SLC8A1: variants seen among roughly 807,000 people sequenced by gnomAD.
SLC8A1 encodes the protein solute carrier family 8 member A1, also known as sodium/calcium exchanger 1.
Under a neutral mutation model 68.3 loss-of-function variants are expected in SLC8A1, and 18 were observed. That is an observed-to-expected ratio of 0.26 (90% CI 0.18 to 0.39). The LOEUF is 0.39. SLC8A1 is among the 10% of genes least tolerant of loss of function. SLC8A1 has a pLI of 1.00. For synonymous variants in SLC8A1, 475 were observed against 415.5 expected (o/e 1.14, Z -1.74); for missense variants, 985 against 1,156.7 (o/e 0.85, Z 2.15).
At chr2:40,472,782 A>C (rs1704066067) in intron 1 of SLC8A1, among the ~76,000 whole-genome samples, 1 of 152,234 alleles carries the variant, frequency 6.6e-6, no homozygotes, top group African/African-American at 2.4e-5. Flanking sequence ...AATCAGTGGA[A>C]TCTAAACTTA....
intron 2 of SLC8A1, among the ~76,000 whole-genome samples, chr2:40,381,177 T>C (rs1222375871): frequency 6.6e-6 from 1 of 152,012 alleles, no homozygotes; most frequent in Non-Finnish European, 1.5e-5. Flanking sequence ...GGGGGTTGGC[T>C]GCACTCGGCA....
intron 2 of SLC8A1, among the ~76,000 whole-genome samples, chr2:40,256,439 A>G (rs1558986413): frequency 6.6e-6 from 1 of 152,238 alleles, no homozygotes. Context: ...ACATGACAAA[A>G]AAAATGCCAG....
At chr2:40,249,315 C>G (rs1252994072) in intron 2 of SLC8A1, among the ~76,000 whole-genome samples, 2 of 151,764 alleles carry the variant, frequency 1.3e-5, no homozygotes, top group East Asian at 1.9e-4. Context: ...CTTTCAAAAC[C>G]TTTTGAAATA....
intron 1 of SLC8A1, among the ~76,000 whole-genome samples, chr2:40,475,680 A>G (rs1704256612): frequency 6.6e-6 from 1 of 152,134 alleles, no homozygotes; most frequent in African/African-American, 2.4e-5. Flanking sequence ...AAATATATAA[A>G]TACATAAATA....
intron 2 of SLC8A1, among the ~76,000 whole-genome samples, chr2:40,192,052 A>G (rs1196134254): frequency 1.3e-5 from 2 of 152,186 alleles, no homozygotes; most frequent in African/African-American, 4.8e-5. Context: ...AAGACAAATT[A>G]TATGTAACCC....
intron 1 of SLC8A1, among the ~76,000 whole-genome samples, chr2:40,503,476 G>A (rs958824618): frequency 2.0e-4 from 30 of 151,960 alleles, no homozygotes; most frequent in African/African-American, 7.0e-4. Context: ...GACAACAGAA[G>A]GATATAAAGG....
At chr2:40,173,215 G>A (rs2047855869) in intron 4 of SLC8A1, among the ~76,000 whole-genome samples, 1 of 152,128 alleles carries the variant, frequency 6.6e-6, no homozygotes. Flanking sequence ...TTATCCTTGG[G>A]TGATAGAATT....
Position 40,178,500 on chromosome 2 carries a change from C to CAGAGAAT in SLC8A1, c.1809-652_1809-646dup. The CAGAGAAT allele has an allele frequency of 2.5e-6, 4 of 1,605,198 alleles. No individual in the cohort carries two copies. The South Asian group carries it at 4.4e-5, about 18-fold the overall frequency. Reference sequence around the variant, plus strand: ...CTTGACTGATATTGTTTTGCTGAAACAGAGAATAGAAATTGACGAACAAGG... The same window carrying CAGAGAAT: ...CTTGACTGATATTGTTTTGCTGAAACAGAGAATAGAGAATAGAAATTGACGAACAAGG... On this transcript the variant is annotated intron_variant, in intron 2 of 7. Transcript: ENST00000406785.
upstream of SLC8A1, among the ~76,000 whole-genome samples, chr2:40,456,101 G>C (rs1374179602): frequency 1.3e-5 from 2 of 152,142 alleles, no homozygotes; most frequent in East Asian, 3.9e-4. Flanking sequence ...TGGATCACGA[G>C]GTCAGGAGAT....
chr2:40,481,598 C>G (rs932924512), intron 1 of SLC8A1, among the ~76,000 whole-genome samples: 1 of 152,146 alleles, frequency 6.6e-6, no homozygotes, highest in Non-Finnish European at 1.5e-5. Flanking sequence ...CTAATACAGT[C>G]TTATACTGAA....
intron 2 of SLC8A1, among the ~76,000 whole-genome samples, chr2:40,292,398 C>G (rs2069495567): frequency 6.6e-6 from 1 of 152,102 alleles, no homozygotes; most frequent in Non-Finnish European, 1.5e-5. Context: ...CAAACAGGGA[C>G]TCTCACATAG....
At chr2:40,195,010 G>C (rs754174413) in intron 2 of SLC8A1, among the ~76,000 whole-genome samples, 1 of 152,176 alleles carries the variant, frequency 6.6e-6, no homozygotes. Flanking sequence ...GAGTGATGTA[G>C]AATGGAGGAT....
intron 1 of SLC8A1, among the ~76,000 whole-genome samples, chr2:40,461,143 G>A (rs909940878): frequency 2.0e-5 from 3 of 152,110 alleles, no homozygotes; most frequent in Non-Finnish European, 4.4e-5. Flanking sequence ...AATCACTCTG[G>A]ATGGTTTCAA....
intron 2 of SLC8A1, among the ~76,000 whole-genome samples, chr2:40,419,500 A>C (rs1422020999): frequency 1.3e-5 from 2 of 150,772 alleles, no homozygotes; most frequent in East Asian, 2.0e-4. Context: ...TTCTCTGCCT[A>C]CCTCTCCTTC....
At chr2:40,508,987 G>A (rs371995314) in intron 1 of SLC8A1, among the ~76,000 whole-genome samples, 2 of 152,044 alleles carry the variant, frequency 1.3e-5, no homozygotes, top group East Asian at 1.9e-4. Context: ...TGATAACCAC[G>A]GCTCATATCA....
chr2:40,456,115 G>C (rs2149888464), upstream of SLC8A1, among the ~76,000 whole-genome samples: 3 of 152,226 alleles, frequency 2.0e-5, no homozygotes, highest in South Asian at 6.2e-4. Flanking sequence ...AGGAGATCGA[G>C]ACCATCCTGG....
chr2:40,457,296 G>C (rs1443358570), intron 1 of SLC8A1, among the ~76,000 whole-genome samples: 1 of 152,152 alleles, frequency 6.6e-6, no homozygotes, highest in South Asian at 2.1e-4. Flanking sequence ...CCAGGCAGTT[G>C]TTCCCTACAA....
chr2:40,483,657 C>A (rs1298817623), intron 1 of SLC8A1, among the ~76,000 whole-genome samples: 1 of 152,146 alleles, frequency 6.6e-6, no homozygotes, highest in Non-Finnish European at 1.5e-5. Context: ...TAGGTTCTGC[C>A]TGGTAAATAA....
At chr2:40,291,903 CTTTTTT>C (rs75778511) in intron 2 of SLC8A1, among the ~76,000 whole-genome samples, 2 of 138,242 alleles carry the variant, frequency 1.4e-5, no homozygotes, top group Non-Finnish European at 3.2e-5. Context: ...GACATCTTTA[CTTTTTT>C]TTTTTTTTTT....
Sources: gnomAD v4.1 joint callset for allele counts (sites outside exome capture counted in the v4.1 genomes callset) on GRCh38, gnomAD v4.1.1 for gene constraint, MANE v1.5 for transcripts, NCBI Gene and HGNC (gene_info 2026-07-23, HGNC 2026-07-21) for gene names.